CCDC158: variants seen among roughly 807,000 people sequenced by gnomAD.
CCDC158 encodes coiled-coil domain containing 158, also known as coiled-coil domain-containing protein 158.
A neutral mutation model predicts 138.6 loss-of-function variants in CCDC158; 116 were observed. The observed-to-expected ratio is 0.84, with a 90% CI of 0.72 to 0.98. The LOEUF (loss-of-function observed/expected upper bound fraction) is 0.98, where lower values mean the gene tolerates loss of function less well. Among genes scored for constraint, CCDC158 ranks in the 50% least tolerant of loss-of-function variants. The probability of loss-of-function intolerance (pLI) is 0.00; values close to 1 mark genes in which losing one functional copy is unlikely to be tolerated. For missense variants in CCDC158, 1,265 were observed against 1,306.1 expected (o/e 0.97, Z 0.48); for synonymous variants, 436 against 442.4 (o/e 0.99, Z 0.18).
At chr4:76,417,116 G>A (rs1026007612) in intron 1 of CCDC158, among the ~76,000 whole-genome samples, 2 of 152,230 alleles carry the variant, frequency 1.3e-5, no homozygotes, top group East Asian at 1.9e-4. Context: ...TCGCATCAGC[G>A]TGACCTTGAT....
intron 24 of CCDC158, among the ~76,000 whole-genome samples, chr4:76,313,544 T>C (rs1475505080): frequency 6.6e-6 from 1 of 152,120 alleles, no homozygotes; most frequent in Non-Finnish European, 1.5e-5. Context: ...CCTGCCTCGG[T>C]CTCCCAAAGT....
intron 3 of CCDC158, among the ~76,000 whole-genome samples, chr4:76,400,450 T>C (rs1728256608): frequency 6.6e-6 from 1 of 151,336 alleles, no homozygotes; most frequent in South Asian, 2.1e-4. Flanking sequence ...ATATACCTAA[T>C]GTAAATGACG....
intron 22 of CCDC158, among the ~76,000 whole-genome samples, chr4:76,327,731 A>G (rs1417838882): frequency 6.6e-6 from 1 of 152,212 alleles, no homozygotes; most frequent in South Asian, 2.1e-4. Context: ...ATTGACACGA[A>G]GAAAAACAAT....
chr4:76,332,582 ATTTTTCTTTTAGTGACAGCTGTAGATTT>A, intron 19 of CCDC158, 91 bp from the exon 20 acceptor site: 2 of 1,030,328 alleles, frequency 1.9e-6, no homozygotes, highest in South Asian at 3.3e-5. Context: ...CATATATTCA[ATTTTTCTTTTAGTGACAGCTGTAGATTT>A]TAGGCCTCCA....
intron 2 of CCDC158, among the ~76,000 whole-genome samples, chr4:76,409,619 C>G (rs1341219653): frequency 6.6e-6 from 1 of 152,050 alleles, no homozygotes; most frequent in Non-Finnish European, 1.5e-5. Context: ...ATCATGCGGT[C>G]AGGAGATAGA....
chr4:76,342,881 T>C (rs1457847045), intron 18 of CCDC158, among the ~76,000 whole-genome samples: 1 of 152,202 alleles, frequency 6.6e-6, no homozygotes, highest in Non-Finnish European at 1.5e-5. Flanking sequence ...GGAAGTCTCA[T>C]GTATTTCAAA....
At chr4:76,371,978 A>G (rs1330883088) in intron 9 of CCDC158, among the ~76,000 whole-genome samples, 3 of 150,900 alleles carry the variant, frequency 2.0e-5, no homozygotes, top group Admixed American at 2.0e-4. Context: ...TGTGTCTTGT[A>G]AAGTTTTTTT....
intron 16 of CCDC158, chr4:76,352,893 T>C (rs1488927421): frequency 1.2e-5 from 5 of 402,006 alleles, no homozygotes; most frequent in South Asian, 5.8e-5. Context: ...CCTGTGACTA[T>C]GTTAGCCTGA....
chr4:76,321,788 T>C (rs896112522), intron 24 of CCDC158, among the ~76,000 whole-genome samples: 10 of 146,774 alleles, frequency 6.8e-5, no homozygotes, highest in African/African-American at 2.5e-4. Flanking sequence ...TAAATATATA[T>C]ATGTATATAT....
chr4:76,345,795 C>T (rs933819865), intron 18 of CCDC158, among the ~76,000 whole-genome samples: 2 of 152,082 alleles, frequency 1.3e-5, no homozygotes, highest in Admixed American at 6.5e-5. Flanking sequence ...GAATCAATAT[C>T]GTGAAAATGG....
At chr4:76,389,499 C>T (rs1469769983) in intron 4 of CCDC158, among the ~76,000 whole-genome samples, 2 of 152,116 alleles carry the variant, frequency 1.3e-5, no homozygotes, top group Non-Finnish European at 2.9e-5. Flanking sequence ...ATCTAAGTTA[C>T]TGGCCTTAAA....
At chr4:76,326,876 A>G (rs1720578049) in intron 22 of CCDC158, among the ~76,000 whole-genome samples, 1 of 152,196 alleles carries the variant, frequency 6.6e-6, no homozygotes, top group Non-Finnish European at 1.5e-5. Context: ...TTTACATTAA[A>G]AGAAGCTTTA....
intron 12 of CCDC158, among the ~76,000 whole-genome samples, chr4:76,364,055 C>G (rs186811334): frequency 6.5e-4 from 99 of 152,200 alleles, no homozygotes; most frequent in African/African-American, 2.2e-3. Flanking sequence ...TCAGAAACCC[C>G]CAGCATGGCA....
chr4:76,368,951 C>T (rs1198717152), intron 11 of CCDC158, among the ~76,000 whole-genome samples: 6 of 152,190 alleles, frequency 3.9e-5, no homozygotes, highest in Admixed American at 1.3e-4. Flanking sequence ...CGCAGTGGCT[C>T]ACGCCTGTAA....
chr4:76,367,157 A>G, intron 12 of CCDC158, 137 bp downstream of exon 12: 1 of 886,896 alleles, frequency 1.1e-6, no homozygotes, highest in East Asian at 2.5e-5. Context: ...TCACAAAAAC[A>G]CACATATACA....
At chr4:76,415,170 G>A (rs1366569173) in intron 1 of CCDC158, among the ~76,000 whole-genome samples, 1 of 152,180 alleles carries the variant, frequency 6.6e-6, no homozygotes, top group Non-Finnish European at 1.5e-5. Context: ...GTAAACTCTT[G>A]CTATGCTTTA....
rs569544008 is a variant in CCDC158 at position 76,327,056 on chromosome 4, G to T, written c.3011-1041C>A. 4.6e-5 allele frequency among the ~76,000 whole-genome samples: 7 copies of T among 152,170 alleles called. No individual in the cohort carries two copies. The East Asian group carries it at 1.3e-3, about 29-fold the overall frequency. The stretch of plus-strand genomic sequence containing the variant: ...ATTGTATGAAAGTTGGAAGGATAGT[G>T]AATGCAGTTAATATATTCTAAGGTA... On this transcript the variant is annotated intron_variant, in intron 22 of 24. Coordinates refer to ENST00000682701, the MANE Select transcript of CCDC158 (RefSeq NM_001394954.1).
At chr4:76,318,651 A>T (rs1353109241) in intron 24 of CCDC158, among the ~76,000 whole-genome samples, 1 of 152,220 alleles carries the variant, frequency 6.6e-6, no homozygotes, top group African/African-American at 2.4e-5. Flanking sequence ...TCTTCCCTAA[A>T]TCATTCTGTG....
At chr4:76,420,168 C>T (rs914895375) in intron 1 of CCDC158, among the ~76,000 whole-genome samples, 1 of 152,002 alleles carries the variant, frequency 6.6e-6, no homozygotes, top group African/African-American at 2.4e-5. Flanking sequence ...CACTCCTGCA[C>T]CCTTACCTGA....
Sources: allele counts gnomAD v4.1 joint callset (sites outside exome capture counted in the v4.1 genomes callset), GRCh38; gene constraint gnomAD v4.1.1; transcripts MANE v1.5; gene names NCBI Gene and HGNC (gene_info 2026-07-23, HGNC 2026-07-21).